Variants in IQSEC3 observed in about 807,000 individuals in gnomAD.
The protein encoded by IQSEC3 is IQ motif and SEC7 domain-containing protein 3.
Under a neutral mutation model 105.4 loss-of-function variants are expected in IQSEC3, and 50 were observed. The ratio of observed to expected loss-of-function variants is 0.47; its 90% CI spans 0.38 to 0.60. The LOEUF (loss-of-function observed/expected upper bound fraction) is 0.60, where lower values mean the gene tolerates loss of function less well. IQSEC3 is among the 20% of genes least tolerant of loss of function. The probability of loss-of-function intolerance (pLI) is 0.00; values close to 1 mark genes in which losing one functional copy is unlikely to be tolerated. For synonymous variants in IQSEC3, 708 were observed against 746.0 expected, an observed-to-expected ratio of 0.95 and a Z score of 0.83; for missense variants, 1,415 against 1,630.0, an observed-to-expected ratio of 0.87 and a Z score of 2.27.
chr12:94,525 C>T (rs1051195108), intron 1 of IQSEC3, among the ~76,000 whole-genome samples: 15 of 152,208 alleles, frequency 9.9e-5, no homozygotes, highest in South Asian at 4.1e-4. Flanking sequence ...GATGGAGGAG[C>T]GCAGAGGCAG....
intron 1 of IQSEC3, among the ~76,000 whole-genome samples, chr12:78,929 CG>C (rs1246728669): frequency 6.6e-6 from 1 of 152,124 alleles, no homozygotes; most frequent in African/African-American, 2.4e-5. Context: ...ACCCTGACCC[CG>C]GCATCTTCTA....
At chr12:135,368 C>T (rs1440975599) in intron 3 of IQSEC3, among the ~76,000 whole-genome samples, 3 of 152,152 alleles carry the variant, frequency 2.0e-5, no homozygotes, top group East Asian at 3.9e-4. Flanking sequence ...TCCACAGGAG[C>T]AGGAACAGAA....
intron 1 of IQSEC3, among the ~76,000 whole-genome samples, chr12:85,366 T>C (rs1863883958): frequency 6.6e-6 from 1 of 152,218 alleles, no homozygotes; most frequent in Admixed American, 6.5e-5. Flanking sequence ...AATACAGAGA[T>C]CTCTTGTGAG....
chr12:92,245 C>T (rs1423012538), intron 1 of IQSEC3, among the ~76,000 whole-genome samples: 3 of 152,192 alleles, frequency 2.0e-5, no homozygotes, highest in Non-Finnish European at 4.4e-5. Context: ...GGAACATGGC[C>T]CAGTCTCAGT....
At chr12:99,061 T>A in intron 1 of IQSEC3, 85 bp from the exon 2 acceptor site, 1 of 1,285,738 alleles carries the variant, frequency 7.8e-7, no homozygotes, top group Non-Finnish European at 1.1e-6. Context: ...GCAGCAAGAT[T>A]TCAGGGCAGA....
At chr12:134,851 C>G (rs1174608697) in intron 3 of IQSEC3, among the ~76,000 whole-genome samples, 1 of 151,414 alleles carries the variant, frequency 6.6e-6, no homozygotes, top group Non-Finnish European at 1.5e-5. Context: ...TCTGGCCGGG[C>G]ACGGTGGCTC....
At chr12:143,628 GCTGGGGTGCCAGCGTTCATGCAGGGCAGT>G (rs1555090001) in intron 5 of IQSEC3, 3 of 156,076 alleles carry the variant, frequency 1.9e-5, no homozygotes, top group Admixed American at 7.1e-5. Flanking sequence ...GCAGGGCAGT[GCTGGGGTGCCAGCGTTCATGCAGGGCAGT>G]GCTGGGGTGC....
intron 7 of IQSEC3, among the ~76,000 whole-genome samples, chr12:157,996 C>T (rs1317586047): frequency 1.3e-5 from 2 of 152,226 alleles, no homozygotes; most frequent in African/African-American, 2.4e-5. Context: ...TCAAGTGGTG[C>T]CAGCCCTTCC....
rs781948748 is a variant in IQSEC3 at position 125,846 on chromosome 12, G to A, written c.837G>A (p.Thr279=). 48 of 1,532,870 alleles carry A rather than the reference G, an allele frequency of 3.1e-5. No individual in the cohort carries two copies. Among genetic ancestry groups the A allele is most frequent in the East Asian group, 2.4e-5 (1 of 40,826 alleles). 95.0% of individuals were successfully genotyped at this position (1,532,870 alleles called of 1,614,324 possible). ...GCCGGCAGCAGCCTGCCCTGGCGAC[G>A]GCGCTGTGCCCCCACGCCCCTGCCG... ...SPGRQQPALA[T]ALCPHAPAAS... is the part of the protein sequence containing the mutation. Residue 279 remains threonine, a synonymous_variant, in exon 3 of 14, where the codon ACG becomes ACA. Transcript: ENST00000538872.
chr12:103,376 C>T (rs941392881), intron 2 of IQSEC3, among the ~76,000 whole-genome samples: 1 of 130,466 alleles, frequency 7.7e-6, no homozygotes, highest in Admixed American at 8.1e-5. Flanking sequence ...AGGTGGAGTT[C>T]AGGATGGGGA....
chr12:161,484 A>G (rs950571420), intron 7 of IQSEC3, among the ~76,000 whole-genome samples: 1 of 152,104 alleles, frequency 6.6e-6, no homozygotes, highest in African/African-American at 2.4e-5. Context: ...AGGGGAGAGG[A>G]GAGCCCAGCA....
At chr12:113,415 C>A (rs1555080007) in intron 2 of IQSEC3, among the ~76,000 whole-genome samples, 1 of 152,230 alleles carries the variant, frequency 6.6e-6, no homozygotes, top group Admixed American at 6.5e-5. Context: ...AGGTTAAGAC[C>A]AGAGCCTATG....
intron 8 of IQSEC3, 61 bp from the exon 9 acceptor site, chr12:163,433 C>A (rs1489735836): frequency 8.5e-6 from 13 of 1,520,580 alleles, no homozygotes; most frequent in Non-Finnish European, 1.1e-5. Context: ...AAAATGGGCG[C>A]GTGGGTGGGG....
At chr12:107,772 C>G (rs1318292061) in intron 2 of IQSEC3, among the ~76,000 whole-genome samples, 1 of 152,140 alleles carries the variant, frequency 6.6e-6, no homozygotes, top group African/African-American at 2.4e-5. Context: ...CACCCACACA[C>G]TTGTTTAACA....
intron 6 of IQSEC3, 63 bp downstream of exon 6, chr12:157,210 G>C: frequency 6.8e-7 from 1 of 1,461,390 alleles, no homozygotes. Flanking sequence ...GGGCCGCTGT[G>C]AGCCTGGGAG....
intron 6 of IQSEC3, 115 bp downstream of exon 6, chr12:157,262 CA>C: frequency 1.5e-6 from 2 of 1,378,150 alleles, no homozygotes; most frequent in Non-Finnish European, 1.9e-6. Flanking sequence ...GGGCCAGAAA[CA>C]CCCCTTCTGG....
At position 138,856 on chromosome 12, in the gene IQSEC3, C is replaced by G; in HGVS notation, c.1493C>G (p.Ser498Cys). 1 of 1,612,448 alleles carries G rather than the reference C, an allele frequency of 6.2e-7. No homozygotes were observed. The highest frequency in any genetic ancestry group is 8.5e-7 in the Non-Finnish European group (1 of 1,179,388). Residue 498 changes from serine to cysteine, a missense_variant, in exon 4 of 14, where the codon TCC (serine) becomes TGC (cysteine). Around this residue, in one of 6 missense-constraint regions of IQSEC3, gnomAD observed 720 missense variants for 633.0 expected, o/e 1.14. Coordinates refer to ENST00000538872, the MANE Select transcript of IQSEC3 (RefSeq NM_001170738.2). This position sits in a 1 kb window ranked among gnomAD's most constrained non-coding sequence, Gnocchi z 7.1. ...VTVQIANQNI[S>C]VSSSTALSVA... ...GTGCAGATCGCCAACCAGAACATAT[C>G]CGTCTCCTCCTCCACGGCTCTGTCG...
intron 5 of IQSEC3, chr12:148,240 C>T (rs1866361113): frequency 6.6e-6 from 1 of 152,186 alleles, no homozygotes; most frequent in South Asian, 2.1e-4. Flanking sequence ...GTCAGCTTCA[C>T]CTGGAAGCTT....
rs1866545471 is a variant in IQSEC3, at chr12:152,597, G to C, written c.2154-4428G>C. ...AATGGTTCATATTGCACAAGCTTGA[G>C]AAGATGAGGTCATTGCACACATAGT... On this transcript the variant is annotated intron_variant, in intron 5 of 13. Coordinates refer to ENST00000538872, the MANE Select transcript of IQSEC3 (RefSeq NM_001170738.2). The surrounding 1 kb of genome is among the most constrained non-coding windows in gnomAD (Gnocchi z 4.8). Among the ~76,000 whole-genome samples the C allele has an allele frequency of 6.6e-6, 1 of 152,212 alleles. No homozygotes were observed. Among genetic ancestry groups the C allele is most frequent in the South Asian group, 2.1e-4 (1 of 4,824 alleles).
Sources: gnomAD v4.1 joint callset for allele counts (sites outside exome capture counted in the v4.1 genomes callset) on GRCh38, gnomAD v4.1.1 for gene constraint, gnomAD v4.1.1 regional missense constraint, Gnocchi (gnomAD v3.1) non-coding constraint, MANE v1.5 for transcripts, NCBI Gene and HGNC (gene_info 2026-07-23, HGNC 2026-07-21) for gene names.